The following NTRK3 variants were observed in gnomAD, a reference collection of about 807,000 sequenced individuals.
NTRK3 encodes neurotrophic receptor tyrosine kinase 3.
Under a neutral mutation model 91.7 loss-of-function variants are expected in NTRK3, and 24 were observed. The observed-to-expected ratio is 0.26, with a 90% CI of 0.19 to 0.37. NTRK3 has a LOEUF of 0.37. Ranked by LOEUF, NTRK3 falls within the 10% of genes least tolerant of loss-of-function variation. NTRK3 has a pLI of 1.00. For missense variants in NTRK3, 880 were observed against 1,068.9 expected (o/e 0.82, Z 2.46); for synonymous variants, 483 against 404.0 (o/e 1.20, Z -2.34).
chr15:87,898,141 C>T (rs941947724), intron 17 of NTRK3, among the ~76,000 whole-genome samples: 2 of 152,196 alleles, frequency 1.3e-5, no homozygotes, highest in African/African-American at 4.8e-5. Context: ...ATGTGTGTTA[C>T]ACAGCACTTC....
chr15:88,053,739 C>T (rs998561890), intron 13 of NTRK3, among the ~76,000 whole-genome samples: 5 of 152,186 alleles, frequency 3.3e-5, no homozygotes, highest in African/African-American at 1.2e-4. Flanking sequence ...AAATACTTAG[C>T]ACAGTGCCTG....
In NTRK3 at chr15:88,137,312, G is replaced by A. The variant is rs757749134; in HGVS notation, c.622+92C>T. On this transcript the variant is annotated intron_variant, in intron 7 of 18. Coordinates refer to ENST00000394480, the Ensembl canonical transcript of NTRK3. ...GCTGGGAGGGCGTTTCGAAAGGAAGGCTCTGGCATCCCAAGGTAACGTCCA... is the reference window on the plus strand; with the variant it reads ...GCTGGGAGGGCGTTTCGAAAGGAAGACTCTGGCATCCCAAGGTAACGTCCA... The A allele has an allele frequency of 4.7e-6, 7 of 1,480,652 alleles. No individual in the cohort carries two copies. The East Asian group carries it at 1.6e-4, about 34-fold the overall frequency. 91.7% of individuals were successfully genotyped at this position (1,480,652 alleles called of 1,614,324 possible). A position where few individuals can be genotyped will look rare whatever the true frequency, so the allele number is the denominator to read the frequency against.
intron 13 of NTRK3, among the ~76,000 whole-genome samples, chr15:88,096,492 G>C (rs1197635143): frequency 6.6e-6 from 1 of 152,140 alleles, no homozygotes; most frequent in African/African-American, 2.4e-5. Context: ...GCCCACCTGA[G>C]TCTCCTGGCA....
intron 13 of NTRK3, among the ~76,000 whole-genome samples, chr15:88,089,702 T>C (rs911542198): frequency 1.3e-5 from 2 of 152,176 alleles, no homozygotes; most frequent in Non-Finnish European, 2.9e-5. Flanking sequence ...CTCTGTACTC[T>C]TGAGCAGGGC....
rs115483095 is a variant in NTRK3, at chr15:87,884,401, T to G, written c.2134-3973A>C. Among the ~76,000 whole-genome samples the G allele has an allele frequency of 8.8e-3, 1,331 of 151,870 alleles. 22 individuals carry two copies. Among genetic ancestry groups the G allele is most frequent in the African/African-American group, 0.03 (1,244 of 41,546 alleles). Reference sequence around the variant, plus strand: ...TTTCTGGTTGAGTTCTATTAAAGTTTTCTGTCTTATTTATACTTTTTCAAA... The same window carrying G: ...TTTCTGGTTGAGTTCTATTAAAGTTGTCTGTCTTATTTATACTTTTTCAAA... On this transcript the variant is annotated intron_variant, in intron 17 of 18. Transcript: ENST00000394480.
At chr15:87,945,556 G>T (rs2070378090) in intron 14 of NTRK3, among the ~76,000 whole-genome samples, 3 of 152,132 alleles carry the variant, frequency 2.0e-5, no homozygotes, top group Non-Finnish European at 4.4e-5. Flanking sequence ...GGGCAGGCAG[G>T]GGTTATCCCT....
chr15:88,175,246 C>T (rs752879462), intron 5 of NTRK3, among the ~76,000 whole-genome samples: 13 of 152,200 alleles, frequency 8.5e-5, no homozygotes, highest in African/African-American at 1.2e-4. Context: ...CCCAACAAGA[C>T]GCCAGCTAAT....
chr15:87,946,520 A>C (rs1472563228), intron 14 of NTRK3, among the ~76,000 whole-genome samples: 2 of 152,144 alleles, frequency 1.3e-5, no homozygotes, highest in Non-Finnish European at 2.9e-5. Context: ...TGTGGACAGG[A>C]CTGAGACAGT....
At chr15:87,990,634 C>T (rs961340891) in intron 14 of NTRK3, among the ~76,000 whole-genome samples, 3 of 152,110 alleles carry the variant, frequency 2.0e-5, no homozygotes, top group African/African-American at 7.2e-5. Flanking sequence ...ATTTTGTTTC[C>T]AAAACTAACC....
intron 13 of NTRK3, among the ~76,000 whole-genome samples, chr15:88,091,787 C>T (rs1418536340): frequency 2.6e-5 from 4 of 152,170 alleles, no homozygotes; most frequent in Non-Finnish European, 5.9e-5. Context: ...GGTCATGGCT[C>T]TCAGACACTT....
chr15:87,992,435 CA>C (rs1270216496), intron 14 of NTRK3, among the ~76,000 whole-genome samples: 1 of 152,196 alleles, frequency 6.6e-6, no homozygotes, highest in Non-Finnish European at 1.5e-5. Context: ...CTGTATAAGC[CA>C]CTTGGCAGTT....
chr15:87,941,957 T>C (rs2069907660), intron 14 of NTRK3, among the ~76,000 whole-genome samples: 1 of 152,228 alleles, frequency 6.6e-6, no homozygotes, highest in Non-Finnish European at 1.5e-5. Context: ...AAAAAGTGGA[T>C]TATCCCAAGC....
At chr15:87,877,058 C>T (rs1313278504) in exon 19 of NTRK3, 15 of 1,614,068 alleles carry the variant, frequency 9.3e-6, no homozygotes, top group Non-Finnish European at 1.3e-5. Flanking sequence ...TGACATCGTA[C>T]ACCTCTTTGG....
exon 19 of NTRK3, chr15:87,861,760 T>A (rs2141371500): frequency 5.1e-6 from 1 of 195,100 alleles, no homozygotes; most frequent in East Asian, 8.0e-5. Flanking sequence ...CCTTGAAAAT[T>A]TTAGGAATTT....
rs74027906 is a variant in NTRK3 at position 88,218,950 on chromosome 15, A to G, written c.249-34651T>C. On this transcript the variant is annotated intron_variant, in intron 3 of 18. Transcript: ENST00000394480. ...CATTCCAGTGCCAAGGACCGTCTGT[A>G]CTGGAGGGGGCATGGCATCACCCAC... is the stretch of plus-strand genomic sequence containing the variant. Among the ~76,000 whole-genome samples, 1,077 of 152,320 alleles carry G rather than the reference A, an allele frequency of 7.1e-3. 15 individuals carry two copies. Among genetic ancestry groups the G allele is most frequent in the African/African-American group, 0.025 (1,033 of 41,568 alleles).
chr15:88,115,745 C>A (rs1384364928), intron 13 of NTRK3, among the ~76,000 whole-genome samples: 11 of 152,076 alleles, frequency 7.2e-5, no homozygotes, highest in Admixed American at 7.2e-4. Context: ...AGTGTGAATA[C>A]CAACCGCCAG....
chr15:88,192,006 G>A (rs2047440556), intron 3 of NTRK3, among the ~76,000 whole-genome samples: 1 of 152,200 alleles, frequency 6.6e-6, no homozygotes, highest in Non-Finnish European at 1.5e-5. Flanking sequence ...AAGCAGCTGT[G>A]CGCCAAGGAC....
At chr15:88,229,717 G>T (rs1208503142) in intron 3 of NTRK3, among the ~76,000 whole-genome samples, 1 of 152,146 alleles carries the variant, frequency 6.6e-6, no homozygotes, top group African/African-American at 2.4e-5. Context: ...TCCCTCACCT[G>T]CTCATGGGCA....
At chr15:88,170,187 T>C (rs1483419257) in intron 5 of NTRK3, among the ~76,000 whole-genome samples, 4 of 152,200 alleles carry the variant, frequency 2.6e-5, no homozygotes, top group Non-Finnish European at 4.4e-5. Flanking sequence ...GAGTGGACTT[T>C]GTAGGACTCT....
Sources: gnomAD v4.1 joint callset for allele counts (sites outside exome capture counted in the v4.1 genomes callset) on GRCh38, gnomAD v4.1.1 for gene constraint, MANE v1.5 for transcripts, NCBI Gene and HGNC (gene_info 2026-07-23, HGNC 2026-07-21) for gene names.